Variants in USH2A observed in about 807,000 individuals in gnomAD.
The protein encoded by USH2A is usherin, also known as Usher syndrome 2A (autosomal recessive, mild).
USH2A carries 443 observed loss-of-function variants against 538.9 expected under a neutral mutation model. The ratio of observed to expected loss-of-function variants is 0.82; its 90% CI spans 0.76 to 0.89. The LOEUF is 0.89. USH2A is among the 40% of genes least tolerant of loss of function. The pLI is 0.00. For synonymous variants in USH2A, 2,413 were observed against 2,273.5 expected, an observed-to-expected ratio of 1.06 and a Z score of -1.75; for missense variants, 6,633 against 6,324.8, an observed-to-expected ratio of 1.05 and a Z score of -1.65.
intron 35 of USH2A, among the ~76,000 whole-genome samples, chr1:215,977,412 T>C (rs1667646760): frequency 6.6e-6 from 1 of 152,186 alleles, no homozygotes; most frequent in Non-Finnish European, 1.5e-5. Flanking sequence ...AGTTTTGATT[T>C]ATGAGTAGCT....
rs557880530 is a variant in USH2A at position 215,813,621 on chromosome 1, T to C, written c.9739+115A>G. The C allele has an allele frequency of 5.4e-6, 7 of 1,299,702 alleles. No individual in the cohort carries two copies. The African/African-American group carries it at 1.0e-4, about 19-fold the overall frequency. The allele number at this position is 1,299,702 out of a possible 1,614,324, so 80.5% of individuals were successfully genotyped here. A position where few individuals can be genotyped will look rare whatever the true frequency, so the allele number is the denominator to read the frequency against. On this transcript the variant is annotated intron_variant, in intron 49 of 71. Transcript: ENST00000307340. The stretch of plus-strand genomic sequence containing the variant: ...TTAGAGCAGGCCATTGGCTATGTGT[T>C]TATGGTTCAATTTTTGTTGAGAGGG...
intron 35 of USH2A, among the ~76,000 whole-genome samples, chr1:215,992,797 C>A (rs1043674676): frequency 2.0e-5 from 3 of 152,100 alleles, no homozygotes; most frequent in Non-Finnish European, 4.4e-5. Context: ...CAATGAGATG[C>A]AGTACACAAA....
chr1:216,189,409 C>T (rs2034671341), intron 20 of USH2A, among the ~76,000 whole-genome samples: 1 of 151,846 alleles, frequency 6.6e-6, no homozygotes, highest in African/African-American at 2.4e-5. Flanking sequence ...CCTCCTTACA[C>T]ATGGACATTT....
chr1:216,089,024 C>T lies in USH2A; in HGVS notation c.4874G>A (p.Gly1625Glu). ...HQAFGQITLD[G>E]IYTGSSAILN... ...CAAAAAGTACTTACCTGTATATATC[C>T]CATCCAGAGTGATTTGGCCAAAAGC... Residue 1625 changes from glycine (G) to glutamate (E), a missense_variant, in exon 23 of 72, where the codon GGG becomes GAG. Physicochemically the swap from Gly to Glu is moderately conservative, Grantham distance 98 (BLOSUM62 -2). Coordinates refer to ENST00000307340, the MANE Select transcript of USH2A (RefSeq NM_206933.4). The T allele has an allele frequency of 6.2e-7, 1 of 1,613,334 alleles. No individual in the cohort carries two copies. The highest frequency in any genetic ancestry group is 2.2e-5 in the East Asian group (1 of 44,802).
chr1:215,911,876 T>C (rs1027917397), intron 38 of USH2A, among the ~76,000 whole-genome samples: 2 of 152,046 alleles, frequency 1.3e-5, no homozygotes, highest in Non-Finnish European at 2.9e-5. Flanking sequence ...TTTTGTTATT[T>C]ATTGCCTGTT....
At position 215,671,307 on chromosome 1, in the gene USH2A, G is replaced by A; in HGVS notation, c.13812-14C>T. 4 of 1,613,490 alleles carry A rather than the reference G, an allele frequency of 2.5e-6. No homozygotes were observed. Among genetic ancestry groups the A allele is most frequent in the Non-Finnish European group, 3.4e-6 (4 of 1,179,802 alleles). On this transcript the variant is annotated splice_polypyrimidine_tract_variant and intron_variant, in intron 63 of 71. Transcript: ENST00000307340. ...CGTATTTCATACCTTCAGGACATAAGGCAGAAATTAGTGATTTTCAGCAAA... is the reference window on the plus strand; with the variant it reads ...CGTATTTCATACCTTCAGGACATAAAGCAGAAATTAGTGATTTTCAGCAAA...
chr1:216,190,717 G>C (rs2034697916), intron 19 of USH2A, among the ~76,000 whole-genome samples: 1 of 151,902 alleles, frequency 6.6e-6, no homozygotes, highest in Non-Finnish European at 1.5e-5. Context: ...TCCAAACAAA[G>C]CCATGGGGCT....
intron 32 of USH2A, among the ~76,000 whole-genome samples, chr1:216,029,962 A>T (rs1415690111): frequency 7.3e-6 from 1 of 137,078 alleles, no homozygotes; most frequent in Non-Finnish European, 1.6e-5. Context: ...AAAATGTGAT[A>T]GATAGATAGA....
intron 30 of USH2A, among the ~76,000 whole-genome samples, chr1:216,066,474 A>G (rs1013733038): frequency 1.3e-5 from 2 of 151,582 alleles, no homozygotes; most frequent in African/African-American, 4.9e-5. Context: ...AAATAATAAT[A>G]GTAATAATAA....
chr1:215,803,789 A>G (rs893258567), intron 49 of USH2A, among the ~76,000 whole-genome samples: 1 of 152,126 alleles, frequency 6.6e-6, no homozygotes, highest in African/African-American at 2.4e-5. Flanking sequence ...ACTACTTTAA[A>G]ATTCATATGG....
In USH2A at chr1:215,903,571, T is replaced by G. The variant is rs546811048; in HGVS notation, c.7301-2666A>C. 5.9e-5 allele frequency among the ~76,000 whole-genome samples: 9 copies of G among 152,134 alleles called. No individual in the cohort carries two copies. The East Asian group carries it at 1.8e-3, about 30-fold the overall frequency. Reference sequence around the variant, plus strand: ...GAAGAGAGAGGTGAGCCAGTGCACATTTGAATCAACTGAGAGTCAGTGCAC... The same window carrying G: ...GAAGAGAGAGGTGAGCCAGTGCACAGTTGAATCAACTGAGAGTCAGTGCAC... On this transcript the variant is annotated intron_variant, in intron 38 of 71. Transcript: ENST00000307340.
intron 11 of USH2A, among the ~76,000 whole-genome samples, chr1:216,285,567 C>A (rs971731071): frequency 6.6e-6 from 1 of 152,238 alleles, no homozygotes; most frequent in African/African-American, 2.4e-5. Flanking sequence ...ACAGAGTCCC[C>A]ACTGGGGTAC....
At chr1:215,671,905 A>T (rs1657829498) in intron 63 of USH2A, among the ~76,000 whole-genome samples, 1 of 152,120 alleles carries the variant, frequency 6.6e-6, no homozygotes, top group South Asian at 2.1e-4. Flanking sequence ...CTCAGTGGTA[A>T]TAAATCCCCT....
chr1:216,412,397 T>G (rs1354472280), intron 3 of USH2A, among the ~76,000 whole-genome samples: 1 of 152,112 alleles, frequency 6.6e-6, no homozygotes, highest in Admixed American at 6.6e-5. Flanking sequence ...AAGGGTTGAT[T>G]CTATAAGGCA....
At chr1:216,256,788 C>T (rs898091967) in intron 11 of USH2A, among the ~76,000 whole-genome samples, 2 of 151,894 alleles carry the variant, frequency 1.3e-5, no homozygotes, top group Non-Finnish European at 2.9e-5. Context: ...ATAATATATA[C>T]AAAATAAATG....
intron 5 of USH2A, 107 bp from the exon 6 acceptor site, chr1:216,325,706 C>A: frequency 3.7e-6 from 4 of 1,091,416 alleles, no homozygotes; most frequent in Admixed American, 5.7e-5. Flanking sequence ...TCATGAGTAT[C>A]CATTTAGTTT....
chr1:215,700,441 C>CT (rs1343958948), intron 61 of USH2A, among the ~76,000 whole-genome samples: 9 of 152,074 alleles, frequency 5.9e-5, no homozygotes, highest in Non-Finnish European at 1.0e-4. Flanking sequence ...TGGTCCTGGG[C>CT]TTTTTTTGGT....
chr1:215,802,079 T>C (rs921862386), intron 49 of USH2A, among the ~76,000 whole-genome samples: 5 of 151,746 alleles, frequency 3.3e-5, no homozygotes, highest in African/African-American at 1.2e-4. Context: ...TGCCAAAGAA[T>C]GATATTGAAC....
intron 4 of USH2A, among the ~76,000 whole-genome samples, chr1:216,327,886 G>A (rs1319037984): frequency 6.6e-6 from 1 of 152,032 alleles, no homozygotes; most frequent in Non-Finnish European, 1.5e-5. Context: ...TGAATACTTT[G>A]GCCAGCCTAT....
Sources: allele counts gnomAD v4.1 joint callset (sites outside exome capture counted in the v4.1 genomes callset), GRCh38; gene constraint gnomAD v4.1.1; transcripts MANE v1.5; gene names NCBI Gene and HGNC (gene_info 2026-07-23, HGNC 2026-07-21).